The following TMEM63C variants were observed in gnomAD, a reference collection of about 807,000 sequenced individuals.
TMEM63C encodes the protein transmembrane protein 63C.
A neutral mutation model predicts 99.2 loss-of-function variants in TMEM63C; 32 were observed. That is an observed-to-expected ratio of 0.32 (90% confidence interval 0.24 to 0.43). The LOEUF (loss-of-function observed/expected upper bound fraction) is 0.43. Ranked by LOEUF, TMEM63C falls within the 20% of genes least tolerant of loss-of-function variation. The pLI is 1.00. For synonymous variants in TMEM63C, 376 were observed against 397.9 expected, an observed-to-expected ratio of 0.94 and a Z score of 0.66; for missense variants, 826 against 1,053.0, an observed-to-expected ratio of 0.78 and a Z score of 2.98.
intron 9 of TMEM63C, 136 bp from the exon 10 acceptor site, chr14:77,238,556 GCT>G (rs1251615530): frequency 2.9e-6 from 2 of 685,522 alleles, no homozygotes. Flanking sequence ...GGCTTTCTTG[GCT>G]CTCTCAGCAA....
At position 77,257,036 on chromosome 14, in the gene TMEM63C, C is replaced by T. The variant is rs1398033475; in HGVS notation, c.*310C>T. The T allele has an allele frequency of 3.1e-6, 1 of 318,384 alleles. No individual in the cohort carries two copies. Among genetic ancestry groups the T allele is most frequent in the Admixed American group, 4.6e-5 (1 of 21,732 alleles). The allele number at this position is 318,384 out of a possible 1,614,324, so 19.7% of individuals were successfully genotyped here. A position where few individuals can be genotyped will look rare whatever the true frequency, so the allele number is the denominator to read the frequency against. ...GAACGCTGGGGTCCCTTCCTGGGAC[C>T]AAGATGGAGAAGGTGTTCCTAAGGG... On this transcript the variant is annotated 3_prime_UTR_variant, in exon 24 of 24. Coordinates refer to ENST00000298351, the MANE Select transcript of TMEM63C (RefSeq NM_020431.4).
chr14:77,253,501 C>A, intron 23 of TMEM63C, 125 bp downstream of exon 23: 1 of 908,108 alleles, frequency 1.1e-6, no homozygotes, highest in Non-Finnish European at 1.7e-6. Context: ...GATGGGGGAC[C>A]CCTGGGCTCC....
At chr14:77,240,348 T>A in intron 12 of TMEM63C, 127 bp from the exon 13 acceptor site, 2 of 1,117,822 alleles carry the variant, frequency 1.8e-6, no homozygotes, top group African/African-American at 1.6e-5. Flanking sequence ...CCAGCCAGGG[T>A]CCTGGGCTCC....
rs1203586563 is a variant in TMEM63C at position 77,225,074 on chromosome 14, G to T, written c.313-350G>T. Among the ~76,000 whole-genome samples the T allele has an allele frequency of 2.0e-5, 3 of 152,184 alleles. No homozygotes were observed. The East Asian group carries it at 5.8e-4, about 29-fold the overall frequency. ...ACAGAGTAAGAGTAGGAGCCCACTG[G>T]ACCACACGCATCCAGTGAAGGACAT... On this transcript the variant is annotated intron_variant, in intron 5 of 23. Transcript: ENST00000298351.
chr14:77,231,837 C>T, intron 7 of TMEM63C, 107 bp downstream of exon 7: 2 of 1,283,058 alleles, frequency 1.6e-6, no homozygotes. Context: ...TTAATCCTGC[C>T]TCTGGGAGTT....
At chr14:77,219,407 ACAGGGTCTCCC>A in intron 3 of TMEM63C, 80 bp from the exon 4 acceptor site, 1 of 1,349,890 alleles carries the variant, frequency 7.4e-7, no homozygotes, top group Non-Finnish European at 1.1e-6. Flanking sequence ...GACCTCAGGG[ACAGGGTCTCCC>A]CCAAGGGAAT....
At position 77,248,456 on chromosome 14, in the gene TMEM63C, A is replaced by G; in HGVS notation, c.1711A>G (p.Ser571Gly). The G allele has an allele frequency of 6.4e-7, 1 of 1,568,674 alleles. No individual in the cohort carries two copies. Among genetic ancestry groups the G allele is most frequent in the Non-Finnish European group, 8.6e-7 (1 of 1,157,170 alleles). The change falls in exon 19 of 24, where the codon AGC becomes GGC. Residue 571 changes from serine to glycine, a missense_variant. By Grantham distance (56) the Ser-to-Gly change is moderately conservative. Transcript: ENST00000298351. The part of the protein sequence containing the change: ...LLRLGSLFCY[S>G]TRLFFSRSEP... ...GCGTCTGGGGTCACTCTTCTGCTAC[A>G]GCACCCGCCTCTTCTTCTCTAGATC...
intron 4 of TMEM63C, 97 bp from the exon 5 acceptor site, chr14:77,219,909 A>G: frequency 8.6e-7 from 1 of 1,166,250 alleles, no homozygotes; most frequent in Non-Finnish European, 1.2e-6. Flanking sequence ...GGCAGAGCAG[A>G]GGGCAGCCCT....
intron 5 of TMEM63C, among the ~76,000 whole-genome samples, chr14:77,221,798 T>C (rs1468934930): frequency 3.3e-5 from 5 of 150,888 alleles, no homozygotes; most frequent in Admixed American, 6.6e-5. Flanking sequence ...CCAATGGACT[T>C]TTCTCAGTTC....
intron 1 of TMEM63C, among the ~76,000 whole-genome samples, chr14:77,197,399 CTCT>C (rs1370747959): frequency 6.6e-6 from 1 of 152,248 alleles, no homozygotes; most frequent in Non-Finnish European, 1.5e-5. Context: ...CTACGCCAGA[CTCT>C]TGTTCAAGAT....
At chr14:77,227,847 G>A (rs1888856953) in intron 6 of TMEM63C, among the ~76,000 whole-genome samples, 1 of 152,194 alleles carries the variant, frequency 6.6e-6, no homozygotes. Context: ...GGCAGAGAAG[G>A]AAGGTCACCT....
intron 4 of TMEM63C, 83 bp from the exon 5 acceptor site, chr14:77,219,923 C>A: frequency 1.5e-6 from 2 of 1,344,912 alleles, no homozygotes; most frequent in Non-Finnish European, 2.1e-6. Flanking sequence ...CAGCCCTCAG[C>A]CAGGGAGTGG....
intron 4 of TMEM63C, 100 bp from the exon 5 acceptor site, chr14:77,219,906 C>T: frequency 8.7e-7 from 1 of 1,147,104 alleles, no homozygotes; most frequent in Non-Finnish European, 1.3e-6. Flanking sequence ...CGTGGCAGAG[C>T]AGAGGGCAGC....
At chr14:77,217,011 T>G (rs544440202) in intron 2 of TMEM63C, among the ~76,000 whole-genome samples, 1 of 152,118 alleles carries the variant, frequency 6.6e-6, no homozygotes, top group Admixed American at 6.6e-5. Flanking sequence ...TATCAAAAAA[T>G]TTTAAGAATT....
chr14:77,225,280 T>A, intron 5 of TMEM63C, 144 bp from the exon 6 acceptor site: 1 of 564,422 alleles, frequency 1.8e-6, no homozygotes, highest in Non-Finnish European at 3.0e-6. Flanking sequence ...GGTTCCCAGC[T>A]GAGCCTTCAG....
Position 77,238,735 on chromosome 14 carries a change from T to C in TMEM63C, c.693T>C (p.Ile231=), listed in dbSNP as rs372082638. ...TGATCACCTATGTGCCCAAGGACATTGAAGACCCAGAACTCATCATTAAGC... is the reference window on the plus strand; with the variant it reads ...TGATCACCTATGTGCCCAAGGACATCGAAGACCCAGAACTCATCATTAAGC... ...TLMITYVPKD[I]EDPELIIKHF... Residue 231 remains isoleucine, a synonymous_variant, in exon 10 of 24, where the codon ATT becomes ATC. Coordinates refer to ENST00000298351, the MANE Select transcript of TMEM63C (RefSeq NM_020431.4). 5.0e-6 allele frequency: 8 copies of C among 1,613,858 alleles called. No homozygotes were observed. Among genetic ancestry groups the C allele is most frequent in the Non-Finnish European group, 5.9e-6 (7 of 1,179,864 alleles).
At chr14:77,198,692 T>G (rs532374298) in intron 1 of TMEM63C, among the ~76,000 whole-genome samples, 3 of 152,026 alleles carry the variant, frequency 2.0e-5, no homozygotes, top group African/African-American at 4.8e-5. Context: ...TACAGGAAAA[T>G]AGTGGTGGTT....
intron 2 of TMEM63C, among the ~76,000 whole-genome samples, chr14:77,216,255 GC>G (rs1440158001): frequency 6.6e-6 from 1 of 152,072 alleles, no homozygotes; most frequent in Admixed American, 6.6e-5. Flanking sequence ...ACCCTCTCCT[GC>G]TTTTCCTCCT....
chr14:77,205,604 G>T (rs1316976580), intron 1 of TMEM63C, among the ~76,000 whole-genome samples: 1 of 152,232 alleles, frequency 6.6e-6, no homozygotes. Flanking sequence ...ATTCCCGTTG[G>T]GGGAGGATCA....
Sources: gnomAD v4.1 joint callset for allele counts (sites outside exome capture counted in the v4.1 genomes callset) on GRCh38, gnomAD v4.1.1 for gene constraint, MANE v1.5 for transcripts, NCBI Gene and HGNC (gene_info 2026-07-23, HGNC 2026-07-21) for gene names.